CSMD1: variants seen among roughly 807,000 people sequenced by gnomAD.
CSMD1 encodes CUB and sushi domain-containing protein 1.
CSMD1 carries 213 observed loss-of-function variants against 417.5 expected under a neutral mutation model. That is an observed-to-expected ratio of 0.51 (90% CI 0.46 to 0.57). The LOEUF (loss-of-function observed/expected upper bound fraction) is 0.57. Among genes scored for constraint, CSMD1 ranks in the 20% least tolerant of loss-of-function variants. The pLI, the probability that CSMD1 is intolerant of heterozygous loss-of-function variation, is 0.00. For missense variants in CSMD1, 6,923 were observed against 4,529.7 expected, an observed-to-expected ratio of 1.53 and a Z score of -15.17; for synonymous variants, 2,862 against 1,736.8, an observed-to-expected ratio of 1.65 and a Z score of -16.11.
intron 2 of CSMD1, among the ~76,000 whole-genome samples, chr8:4,590,700 G>C (rs1184331870): frequency 2.6e-5 from 4 of 152,130 alleles, no homozygotes; most frequent in Non-Finnish European, 5.9e-5. Flanking sequence ...GAGAAGCACT[G>C]AATAGATAGA....
chr8:4,817,522 A>G (rs1799275857), intron 1 of CSMD1, among the ~76,000 whole-genome samples: 1 of 152,362 alleles, frequency 6.6e-6, no homozygotes, highest in Middle Eastern at 3.4e-3. Flanking sequence ...CACAGGCAAA[A>G]GGCCAAGACA....
At chr8:3,211,161 C>T (rs999031119) in intron 30 of CSMD1, among the ~76,000 whole-genome samples, 2 of 152,186 alleles carry the variant, frequency 1.3e-5, no homozygotes, top group Non-Finnish European at 2.9e-5. Context: ...ACTCCCACTA[C>T]AGCCTCCCGA....
intron 3 of CSMD1, among the ~76,000 whole-genome samples, chr8:4,251,531 A>T (rs1803072026): frequency 6.6e-6 from 1 of 152,180 alleles, no homozygotes; most frequent in Non-Finnish European, 1.5e-5. Context: ...AATAGCCTAA[A>T]TGATCTCTAA....
At chr8:4,232,699 A>G (rs1274620760) in intron 3 of CSMD1, among the ~76,000 whole-genome samples, 1 of 152,192 alleles carries the variant, frequency 6.6e-6, no homozygotes, top group African/African-American at 2.4e-5. Context: ...GACATTTTAT[A>G]AAAGTGTCAT....
chr8:3,256,438 C>G (rs1276396094), intron 26 of CSMD1, among the ~76,000 whole-genome samples: 1 of 152,104 alleles, frequency 6.6e-6, no homozygotes, highest in African/African-American at 2.4e-5. Flanking sequence ...GAAATAAGTT[C>G]ATTGTCCCCT....
intron 5 of CSMD1, among the ~76,000 whole-genome samples, chr8:3,904,917 G>A (rs987375450): frequency 2.0e-5 from 3 of 152,118 alleles, no homozygotes; most frequent in East Asian, 3.9e-4. Flanking sequence ...GATTACAGGT[G>A]TGAGCCACTG....
intron 3 of CSMD1, among the ~76,000 whole-genome samples, chr8:4,139,356 G>C (rs77046354): frequency 0.029 from 4,412 of 152,248 alleles, 207 homozygotes; most frequent in African/African-American, 0.1. Context: ...TTTTTGACCA[G>C]GTAGAGGGTA....
intron 2 of CSMD1, among the ~76,000 whole-genome samples, chr8:4,539,436 A>T (rs960737891): frequency 2.6e-5 from 4 of 152,228 alleles, no homozygotes; most frequent in Non-Finnish European, 5.9e-5. Flanking sequence ...ATTTTTAGTC[A>T]GTCTTCAAAA....
At chr8:4,172,589 G>A (rs1015917628) in intron 3 of CSMD1, among the ~76,000 whole-genome samples, 2 of 152,106 alleles carry the variant, frequency 1.3e-5, no homozygotes, top group Non-Finnish European at 2.9e-5. Context: ...TATATGGTAA[G>A]GAACATCTAA....
At chr8:3,079,873 C>G (rs1450039208) in intron 49 of CSMD1, among the ~76,000 whole-genome samples, 2 of 152,056 alleles carry the variant, frequency 1.3e-5, no homozygotes, top group Non-Finnish European at 2.9e-5. Context: ...GAGATACACA[C>G]AGACATATCC....
At chr8:4,390,311 G>C (rs986567958) in intron 3 of CSMD1, among the ~76,000 whole-genome samples, 11 of 151,966 alleles carry the variant, frequency 7.2e-5, no homozygotes, top group African/African-American at 2.7e-4. Flanking sequence ...TCTTATTGAA[G>C]TTAATTGGGA....
At chr8:4,303,420 CTGTTTTTTTTTTTTTT>C (rs1176737861) in intron 3 of CSMD1, among the ~76,000 whole-genome samples, 40 of 92,330 alleles carry the variant, frequency 4.3e-4, no homozygotes, top group African/African-American at 1.7e-3. Context: ...GGGCAGGAAG[CTGTTTTTTTTTTTTTT>C]TTTTTTTTTT....
chr8:4,486,113 A>G (rs1402175819), intron 2 of CSMD1, among the ~76,000 whole-genome samples: 2 of 114,670 alleles, frequency 1.7e-5, no homozygotes, highest in Admixed American at 1.0e-4. Context: ...ATGTATGTAT[A>G]TATACATACA....
At chr8:3,352,312 A>T (rs909644539) in intron 21 of CSMD1, among the ~76,000 whole-genome samples, 2 of 152,216 alleles carry the variant, frequency 1.3e-5, no homozygotes, top group African/African-American at 4.8e-5. Context: ...GGAATGCCCT[A>T]AAACAGTTGA....
chr8:4,866,063 G>A (rs1424987417), intron 1 of CSMD1, among the ~76,000 whole-genome samples: 3 of 151,826 alleles, frequency 2.0e-5, no homozygotes, highest in African/African-American at 7.3e-5. Context: ...CACCTTAATG[G>A]TTCTGTGCCT....
chr8:4,758,715 G>C (rs190096695), intron 1 of CSMD1, among the ~76,000 whole-genome samples: 14 of 151,922 alleles, frequency 9.2e-5, no homozygotes, highest in Middle Eastern at 3.4e-3. Context: ...GATAAAGAGA[G>C]TAAAAAGCCC....
intron 1 of CSMD1, among the ~76,000 whole-genome samples, chr8:4,637,884 A>C (rs574042432): frequency 1.2e-4 from 18 of 151,440 alleles, no homozygotes; most frequent in Non-Finnish European, 2.4e-4. Flanking sequence ...GTTAGCCAGG[A>C]TGGTCTCGAT....
chr8:4,384,337 C>A (rs939277543), intron 3 of CSMD1, among the ~76,000 whole-genome samples: 2 of 152,108 alleles, frequency 1.3e-5, no homozygotes, highest in Non-Finnish European at 2.9e-5. Flanking sequence ...TGGCAACGCA[C>A]ACACCACAAT....
intron 1 of CSMD1, among the ~76,000 whole-genome samples, chr8:4,776,685 G>C (rs886554596): frequency 6.6e-6 from 1 of 152,160 alleles, no homozygotes; most frequent in Non-Finnish European, 1.5e-5. Flanking sequence ...ACCACAGGGA[G>C]ACAACCAGAA....
Sources: allele counts gnomAD v4.1 joint callset (sites outside exome capture counted in the v4.1 genomes callset), GRCh38; gene constraint gnomAD v4.1.1; transcripts MANE v1.5; gene names NCBI Gene and HGNC (gene_info 2026-07-23, HGNC 2026-07-21).